PRDM15: variants seen among roughly 807,000 people sequenced by gnomAD.
PRDM15 encodes PR domain zinc finger protein 15.
In PRDM15, 64 loss-of-function variants were observed where a neutral mutation model predicts 128.6. The ratio of observed to expected loss-of-function variants is 0.50; its 90% CI spans 0.41 to 0.61. PRDM15 has a LOEUF of 0.61. Among genes scored for constraint, PRDM15 ranks in the 20% least tolerant of loss-of-function variants. The pLI is 0.00. For synonymous variants in PRDM15, 615 were observed against 621.8 expected (o/e 0.99, Z 0.16); for missense variants, 1,242 against 1,569.1 (o/e 0.79, Z 3.52).
At chr21:41,872,543 T>G (rs1324471828) in intron 1 of PRDM15, among the ~76,000 whole-genome samples, 2 of 152,244 alleles carry the variant, frequency 1.3e-5, no homozygotes, top group African/African-American at 4.8e-5. Flanking sequence ...TTTTACACTT[T>G]TGACACATAA....
chr21:41,844,709 G>GACACACAC (rs1158170548), intron 6 of PRDM15, among the ~76,000 whole-genome samples: 10 of 950 alleles, frequency 0.011, 2 homozygotes, highest in Non-Finnish European at 0.014. Context: ...CCATCACAGG[G>GACACACAC]ACACACACAC....
Position 41,854,625 on chromosome 21 carries a change from G to T in PRDM15, c.479C>A (p.Ala160Asp), listed in dbSNP as rs2063522858. The T allele has an allele frequency of 6.2e-7, 1 of 1,613,628 alleles. No individual in the cohort carries two copies. Among genetic ancestry groups the T allele is most frequent in the Non-Finnish European group, 8.5e-7 (1 of 1,179,982 alleles). ...PGTELRVWYA[A>D]FYAKKMDKPM... ...CTTGTCCATCTTCTTGGCATAGAAGGCCGCATACCACACGCGCAGCTCGGT... is the reference window on the plus strand; with the variant it reads ...CTTGTCCATCTTCTTGGCATAGAAGTCCGCATACCACACGCGCAGCTCGGT... Residue 160 changes from alanine (A) to aspartate (D), a missense_variant, in exon 5 of 24, where the codon GCC (alanine) becomes GAC (aspartate). Coordinates refer to ENST00000398548, the MANE Select transcript of PRDM15 (RefSeq NM_001040424.3). This position sits in a 1 kb window ranked among gnomAD's most constrained non-coding sequence, Gnocchi z 4.6.
chr21:41,862,675 A>G lies in PRDM15; in HGVS notation c.-9-2303T>C, dbSNP rs528607842. On this transcript the variant is annotated intron_variant, in intron 1 of 23. Coordinates refer to ENST00000398548, the MANE Select transcript of PRDM15 (RefSeq NM_001040424.3). The surrounding 1 kb of genome is among the most constrained non-coding windows in gnomAD (Gnocchi z 4.1). Reference sequence around the variant, plus strand: ...GGGCCCAAGATCAGAGGCCACAGCCACCCTGGGCTGCAGATCAGGCCTGAT... The same window carrying G: ...GGGCCCAAGATCAGAGGCCACAGCCGCCCTGGGCTGCAGATCAGGCCTGAT... Among the ~76,000 whole-genome samples the G allele has an allele frequency of 2.3e-4, 35 of 152,248 alleles. No homozygotes were observed. The highest frequency in any genetic ancestry group is 7.5e-4 in the African/African-American group (31 of 41,530).
chr21:41,810,244 G>A lies in PRDM15; in HGVS notation c.2562C>T (p.Asp854=). The A allele has an allele frequency of 6.2e-7, 1 of 1,613,334 alleles. No individual in the cohort carries two copies. The highest frequency in any genetic ancestry group is 8.5e-7 in the Non-Finnish European group (1 of 1,179,918). Residue 854 remains aspartate (D), a synonymous_variant, in exon 21 of 24, where the codon GAC becomes GAT. Coordinates refer to ENST00000398548, the MANE Select transcript of PRDM15 (RefSeq NM_001040424.3). This position sits in a 1 kb window ranked among gnomAD's most constrained non-coding sequence, Gnocchi z 6.4. ...MLQKHVQLTH[D]KVEAQSCQLC... ...GCTGGCAGCTCTGCGCCTCCACCTTGTCGTGTGTGAGCTGAACGTGCTTCT... is the reference window on the plus strand; with the variant it reads ...GCTGGCAGCTCTGCGCCTCCACCTTATCGTGTGTGAGCTGAACGTGCTTCT...
chr21:41,835,618 T>G (rs2839393), intron 10 of PRDM15, 94 bp from the exon 11 acceptor site: 550,246 of 914,224 alleles, frequency 0.6, 168,267 homozygotes, highest in Admixed American at 0.7. Context: ...TCCACGCCTG[T>G]GTCTGTTATG....
intron 6 of PRDM15, among the ~76,000 whole-genome samples, chr21:41,845,369 G>T (rs969379643): frequency 1.4e-5 from 2 of 147,780 alleles, no homozygotes; most frequent in Admixed American, 1.3e-4. Context: ...GGCCTTTGGG[G>T]CTGCTCCTCA....
intron 18 of PRDM15, among the ~76,000 whole-genome samples, chr21:41,818,670 A>G (rs2062139207): frequency 6.6e-6 from 1 of 152,132 alleles, no homozygotes; most frequent in African/African-American, 2.4e-5. Context: ...AGTGCAGTTC[A>G]TGCAGCTCCT....
chr21:41,808,764 G>A (rs1165020782), intron 21 of PRDM15, among the ~76,000 whole-genome samples: 3 of 152,164 alleles, frequency 2.0e-5, no homozygotes, highest in Non-Finnish European at 2.9e-5. Context: ...TTTCACGTAC[G>A]TAATGAGCAT....
intron 1 of PRDM15, chr21:41,871,762 T>A: frequency 1.1e-6 from 1 of 917,774 alleles, no homozygotes. Flanking sequence ...TCCTGGATGG[T>A]TGCTGCTCCT....
In PRDM15 at chr21:41,822,037, C is replaced by T. The variant is rs765998166; in HGVS notation, c.1762G>A (p.Asp588Asn). Reference sequence around the variant, plus strand: ...TGGTGGTCATCCATCAACGCGATGTCCTGGAAAACAGCCACCACTTCCGGT... The same window carrying T: ...TGGTGGTCATCCATCAACGCGATGTTCTGGAAAACAGCCACCACTTCCGGT... The part of the protein sequence containing the change: ...LRDHIHVHFK[D>N]IALMDDHQRE... Residue 588 changes from aspartate to asparagine, a missense_variant and splice_region_variant, in exon 15 of 24, where the codon GAC becomes AAC. Coordinates refer to ENST00000398548, the MANE Select transcript of PRDM15 (RefSeq NM_001040424.3). The T allele has an allele frequency of 1.2e-6, 2 of 1,613,968 alleles. No homozygotes were observed. The highest frequency in any genetic ancestry group is 2.2e-5 in the East Asian group (1 of 44,892).
chr21:41,853,413 T>C lies in PRDM15; in HGVS notation c.538+1153A>G, dbSNP rs922827636. Among the ~76,000 whole-genome samples the C allele has an allele frequency of 3.3e-5, 5 of 152,318 alleles. No individual in the cohort carries two copies. In the East Asian group the frequency reaches 5.8e-4, roughly 18 times the overall value. Reference sequence around the variant, plus strand: ...TTGGGAGGGGGGTCAGGAGAGTCAATATCTATTTCGCCCCCTTGAGCAAAG... The same window carrying C: ...TTGGGAGGGGGGTCAGGAGAGTCAACATCTATTTCGCCCCCTTGAGCAAAG... On this transcript the variant is annotated intron_variant, in intron 5 of 23. Coordinates refer to ENST00000398548, the MANE Select transcript of PRDM15 (RefSeq NM_001040424.3).
intron 4 of PRDM15, among the ~76,000 whole-genome samples, chr21:41,855,213 G>A (rs78973370): frequency 0.051 from 7,714 of 152,194 alleles, 281 homozygotes; most frequent in Non-Finnish European, 0.081. Context: ...CACGTGTCAC[G>A]GGGACACCTA....
chr21:41,878,763 T>C (rs1296462286), intron 1 of PRDM15: 3 of 1,489,602 alleles, frequency 2.0e-6, no homozygotes, highest in Admixed American at 4.2e-5. Context: ...GCATGGGCTG[T>C]ACCCGAGGGC....
At chr21:41,833,111 TG>T (rs1186612096) in intron 11 of PRDM15, among the ~76,000 whole-genome samples, 1 of 152,068 alleles carries the variant, frequency 6.6e-6, no homozygotes, top group African/African-American at 2.4e-5. Flanking sequence ...AGGGGATTAT[TG>T]GGGGAGGCTG....
intron 1 of PRDM15, chr21:41,871,514 C>A (rs201021233): frequency 2.5e-6 from 4 of 1,605,858 alleles, no homozygotes; most frequent in Non-Finnish European, 3.4e-6. Flanking sequence ...GGCAGGATTG[C>A]GTCGCAGGCC....
chr21:41,836,330 G>T, intron 9 of PRDM15, 123 bp from the exon 10 acceptor site: 1 of 1,269,304 alleles, frequency 7.9e-7, no homozygotes. Flanking sequence ...CTGCAGAGAT[G>T]ATCGCCCACA....
At chr21:41,877,616 T>C (rs1275476227) in intron 1 of PRDM15, 1 of 152,250 alleles carries the variant, frequency 6.6e-6, no homozygotes, top group African/African-American at 2.4e-5. Flanking sequence ...GGACTGTTCT[T>C]TCCTGGCCTT....
intron 5 of PRDM15, among the ~76,000 whole-genome samples, chr21:41,848,946 G>A (rs1368179551): frequency 6.6e-6 from 1 of 152,200 alleles, no homozygotes; most frequent in Non-Finnish European, 1.5e-5. Context: ...CAAAAGAGAA[G>A]TGTCCCAGCA....
At chr21:41,803,017 A>G (rs1244431787) in intron 22 of PRDM15, 96 bp from the exon 23 acceptor site, 3 of 912,974 alleles carry the variant, frequency 3.3e-6, no homozygotes, top group Non-Finnish European at 3.6e-6. Flanking sequence ...ACACTCTCCA[A>G]TCAGTGGGGA....
Sources: allele counts gnomAD v4.1 joint callset (sites outside exome capture counted in the v4.1 genomes callset), GRCh38; gene constraint gnomAD v4.1.1; non-coding constraint Gnocchi (gnomAD v3.1); transcripts MANE v1.5; gene names NCBI Gene and HGNC (gene_info 2026-07-23, HGNC 2026-07-21).